The following FOXN3 variants were observed in gnomAD, a reference collection of about 807,000 sequenced individuals.
The protein encoded by FOXN3 is forkhead box protein N3.
FOXN3 carries 7 observed loss-of-function variants against 38.4 expected under a neutral mutation model. That is an observed-to-expected ratio of 0.18 (90% CI 0.10 to 0.34). The LOEUF is 0.34. Ranked by LOEUF, FOXN3 falls within the 10% of genes least tolerant of loss-of-function variation. FOXN3 has a pLI of 1.00. For synonymous variants in FOXN3, 230 were observed against 242.2 expected (o/e 0.95, Z 0.47); for missense variants, 456 against 613.4 (o/e 0.74, Z 2.71).
At chr14:89,460,758 C>T (rs748390962) in intron 1 of FOXN3, among the ~76,000 whole-genome samples, 3 of 152,146 alleles carry the variant, frequency 2.0e-5, no homozygotes, top group East Asian at 1.9e-4. Context: ...ATGCCGGGCG[C>T]GGTGACTCAC....
At chr14:89,533,437 G>A (rs1224157042) in intron 1 of FOXN3, among the ~76,000 whole-genome samples, 3 of 152,182 alleles carry the variant, frequency 2.0e-5, no homozygotes, top group Non-Finnish European at 4.4e-5. Context: ...ACCCAGGCGG[G>A]CGGATCACGA....
At chr14:89,441,557 T>C (rs1460609438) in intron 1 of FOXN3, among the ~76,000 whole-genome samples, 2 of 152,158 alleles carry the variant, frequency 1.3e-5, no homozygotes, top group African/African-American at 4.8e-5. Context: ...TTTTAGGGTC[T>C]AGGCTCTGCC....
At chr14:89,515,689 C>T (rs1894186275) in intron 1 of FOXN3, among the ~76,000 whole-genome samples, 1 of 152,074 alleles carries the variant, frequency 6.6e-6, no homozygotes, top group South Asian at 2.1e-4. Flanking sequence ...TGAGCCGGGA[C>T]CGTGCCACTG....
chr14:89,408,350 C>G lies in FOXN3; in HGVS notation c.543+3584G>C, dbSNP rs145889813. Among the ~76,000 whole-genome samples the G allele has an allele frequency of 3.4e-3, 519 of 152,022 alleles. 3 individuals are homozygous for G. Among genetic ancestry groups the G allele is most frequent in the African/African-American group, 0.011 (452 of 41,452 alleles). ...TCGGCTCACTGCAACCTCCACCTCC[C>G]GGGCTCACACCATCCTTCCATCTCA... On this transcript the variant is annotated intron_variant, in intron 2 of 5. Transcript: ENST00000557258.
Position 89,158,263 on chromosome 14 carries a change from C to T in FOXN3, c.*4151G>A, listed in dbSNP as rs889972459. The T allele has an allele frequency of 6.6e-6, 1 of 152,318 alleles. No individual in the cohort carries two copies. The highest frequency in any genetic ancestry group is 1.5e-5 in the Non-Finnish European group (1 of 68,102). The allele number at this position is 152,318 out of a possible 1,614,324, so 9.4% of individuals were successfully genotyped here. A position where few individuals can be genotyped will look rare whatever the true frequency, so the allele number is the denominator to read the frequency against. ...GCACAGAAGGCCTCCACCTGGTTCT[C>T]ACTCTACAGAGCCCACTGCCTGATG... On this transcript the variant is annotated 3_prime_UTR_variant, in exon 6 of 6. Coordinates refer to ENST00000557258, the MANE Select transcript of FOXN3 (RefSeq NM_005197.4).
At chr14:89,395,552 T>C (rs906021154) in intron 2 of FOXN3, among the ~76,000 whole-genome samples, 4 of 152,140 alleles carry the variant, frequency 2.6e-5, no homozygotes, top group Admixed American at 2.6e-4. Flanking sequence ...ACAATGACTA[T>C]TTCTTCATGT....
chr14:89,267,267 A>G (rs1886012990), intron 4 of FOXN3, among the ~76,000 whole-genome samples: 1 of 152,170 alleles, frequency 6.6e-6, no homozygotes, highest in African/African-American at 2.4e-5. Flanking sequence ...AAGGGCTGGG[A>G]ACTAACATGG....
At chr14:89,295,546 C>A (rs545729906) in intron 3 of FOXN3, among the ~76,000 whole-genome samples, 22 of 152,226 alleles carry the variant, frequency 1.4e-4, no homozygotes, top group Admixed American at 3.3e-4. Flanking sequence ...CTACCTGCAC[C>A]TCCTACACAG....
intron 4 of FOXN3, among the ~76,000 whole-genome samples, chr14:89,222,420 A>C (rs1212890403): frequency 1.3e-5 from 2 of 152,194 alleles, no homozygotes; most frequent in Non-Finnish European, 2.9e-5. Context: ...GATACAAAAA[A>C]ATGTAAATCC....
rs188490532 is a variant in FOXN3 at position 89,445,009 on chromosome 14, G to A, written c.-14-32519C>T. 5.6e-3 allele frequency among the ~76,000 whole-genome samples: 855 copies of A among 152,098 alleles called. 9 individuals carry two copies. The highest frequency in any genetic ancestry group is 6.8e-3 in the Non-Finnish European group (461 of 68,002). ...ATGGTAGCACATGCCTGTGATCCCAGCTACTCAGAAGGCTGAAATGGGAGA... is the reference window on the plus strand; with the variant it reads ...ATGGTAGCACATGCCTGTGATCCCAACTACTCAGAAGGCTGAAATGGGAGA... On this transcript the variant is annotated intron_variant, in intron 1 of 6. Transcript: ENST00000345097.
At chr14:89,441,484 A>G (rs1892381748) in intron 1 of FOXN3, among the ~76,000 whole-genome samples, 1 of 152,222 alleles carries the variant, frequency 6.6e-6, no homozygotes, top group East Asian at 1.9e-4. Context: ...CCAACGGAAC[A>G]CATTGCCTTT....
intron 4 of FOXN3, among the ~76,000 whole-genome samples, chr14:89,222,473 A>G (rs931506047): frequency 6.6e-6 from 1 of 152,244 alleles, no homozygotes; most frequent in African/African-American, 2.4e-5. Context: ...GACTAATACA[A>G]GTGGACAGAG....
intron 1 of FOXN3, among the ~76,000 whole-genome samples, chr14:89,545,625 T>A (rs538206594): frequency 6.6e-6 from 1 of 152,336 alleles, no homozygotes; most frequent in South Asian, 2.1e-4. Flanking sequence ...ACCATTATGA[T>A]GATAAAGTGC....
chr14:89,431,626 AT>A (rs1241676063), intron 1 of FOXN3, among the ~76,000 whole-genome samples: 2 of 152,032 alleles, frequency 1.3e-5, no homozygotes, highest in African/African-American at 4.8e-5. Context: ...GATATGTTTT[AT>A]TTTTTTAGAG....
intron 4 of FOXN3, among the ~76,000 whole-genome samples, chr14:89,249,718 A>G (rs992436025): frequency 7.2e-5 from 11 of 152,350 alleles, no homozygotes; most frequent in African/African-American, 2.2e-4. Context: ...CGATGGGACA[A>G]TGCCATAAAA....
chr14:89,600,435 C>A (rs914812646), intron 1 of FOXN3, among the ~76,000 whole-genome samples: 3 of 152,170 alleles, frequency 2.0e-5, no homozygotes, highest in African/African-American at 7.2e-5. Context: ...CATGGAAATT[C>A]CACTGTTGTT....
chr14:89,455,341 T>A (rs989834531), intron 1 of FOXN3, among the ~76,000 whole-genome samples: 2 of 152,200 alleles, frequency 1.3e-5, no homozygotes, highest in Non-Finnish European at 2.9e-5. Context: ...GGGAAAACCG[T>A]CAAAGGGTTT....
At chr14:89,177,226 G>C (rs977309946) in intron 5 of FOXN3, among the ~76,000 whole-genome samples, 1 of 152,050 alleles carries the variant, frequency 6.6e-6, no homozygotes, top group Non-Finnish European at 1.5e-5. Context: ...GGCCAGGCTG[G>C]TCTTGAACTC....
intron 1 of FOXN3, among the ~76,000 whole-genome samples, chr14:89,535,485 T>A (rs1023262025): frequency 3.9e-5 from 6 of 152,208 alleles, no homozygotes; most frequent in African/African-American, 1.4e-4. Flanking sequence ...AAGACACCCA[T>A]TCATGGTTAG....
Sources: allele counts gnomAD v4.1 joint callset (sites outside exome capture counted in the v4.1 genomes callset), GRCh38; gene constraint gnomAD v4.1.1; transcripts MANE v1.5; gene names NCBI Gene and HGNC (gene_info 2026-07-23, HGNC 2026-07-21).